The following GABRG2 variants were observed in gnomAD, a reference collection of about 807,000 sequenced individuals.
GABRG2 encodes the protein gamma-aminobutyric acid type A receptor subunit gamma2.
A neutral mutation model predicts 56.4 loss-of-function variants in GABRG2; 16 were observed. That is an observed-to-expected ratio of 0.28 (90% CI 0.19 to 0.43). The LOEUF (loss-of-function observed/expected upper bound fraction) is 0.43. GABRG2 is among the 20% of genes least tolerant of loss of function. GABRG2 has a pLI of 1.00. For missense variants in GABRG2, 327 were observed against 582.7 expected, an observed-to-expected ratio of 0.56 and a Z score of 4.52; for synonymous variants, 208 against 205.5, an observed-to-expected ratio of 1.01 and a Z score of -0.10.
At chr5:162,114,993 A>T (rs373374800) in intron 6 of GABRG2, among the ~76,000 whole-genome samples, 57 of 152,134 alleles carry the variant, frequency 3.7e-4, no homozygotes, top group Non-Finnish European at 7.1e-4. Context: ...GCACATTAGC[A>T]GTCTTGCATT....
intron 6 of GABRG2, among the ~76,000 whole-genome samples, chr5:162,124,958 ATG>A (rs55993809): frequency 0.088 from 12,710 of 143,634 alleles, 711 homozygotes; most frequent in African/African-American, 0.17. Context: ...GTATAAAGAG[ATG>A]TGTGTGTGTG....
intron 6 of GABRG2, among the ~76,000 whole-genome samples, chr5:162,139,681 G>A (rs1764410038): frequency 6.6e-6 from 1 of 152,134 alleles, no homozygotes; most frequent in Non-Finnish European, 1.5e-5. Context: ...ATACCAAAGT[G>A]CAGATCTTCA....
chr5:162,072,847 A>G (rs1035347316), intron 1 of GABRG2, among the ~76,000 whole-genome samples: 2 of 152,022 alleles, frequency 1.3e-5, no homozygotes, highest in African/African-American at 4.8e-5. Context: ...TATAATAAGT[A>G]TGAATGTGGA....
intron 5 of GABRG2, 58 bp downstream of exon 5, chr5:162,101,375 C>G: frequency 8.9e-7 from 1 of 1,128,254 alleles, no homozygotes; most frequent in Non-Finnish European, 1.4e-6. Context: ...TTCTGATTGC[C>G]ATGTTAATTA....
chr5:162,120,015 C>T (rs543802679), intron 6 of GABRG2, among the ~76,000 whole-genome samples: 1 of 152,180 alleles, frequency 6.6e-6, no homozygotes, highest in African/African-American at 2.4e-5. Context: ...GCCTCTCAGA[C>T]AGAGGCTGGT....
chr5:162,094,334 C>T, intron 2 of GABRG2: 1 of 290,978 alleles, frequency 3.4e-6, no homozygotes, highest in Non-Finnish European at 6.6e-6. Flanking sequence ...TATTGTTTGC[C>T]TGTTTTTGTG....
At chr5:162,102,964 G>C (rs1287695217) in intron 5 of GABRG2, 1 of 153,864 alleles carries the variant, frequency 6.5e-6, no homozygotes, top group African/African-American at 2.4e-5. Flanking sequence ...ATCTTTACAT[G>C]GCATTATTAT....
At chr5:162,125,270 T>G (rs954063598) in intron 6 of GABRG2, among the ~76,000 whole-genome samples, 1 of 151,784 alleles carries the variant, frequency 6.6e-6, no homozygotes, top group African/African-American at 2.4e-5. Context: ...CAAACTCTGT[T>G]TGGTGCGAGT....
chr5:162,121,214 G>A (rs1482670897), intron 6 of GABRG2, among the ~76,000 whole-genome samples: 2 of 152,144 alleles, frequency 1.3e-5, no homozygotes, highest in African/African-American at 4.8e-5. Context: ...AGTCAGTTGT[G>A]TTTCTGTCCA....
At chr5:162,138,991 G>C (rs1764347178) in intron 6 of GABRG2, among the ~76,000 whole-genome samples, 1 of 151,550 alleles carries the variant, frequency 6.6e-6, no homozygotes, top group Non-Finnish European at 1.5e-5. Context: ...ACTATCGTAT[G>C]GTTATTTACC....
Position 162,153,435 on chromosome 5 carries a change from T to C in GABRG2, c.*67T>C. 6.5e-7 allele frequency: 1 copy of C among 1,533,324 alleles called. No individual in the cohort carries two copies. The highest frequency in any genetic ancestry group is 9.0e-7 in the Non-Finnish European group (1 of 1,107,370). 95.0% of individuals were successfully genotyped at this position (1,533,324 alleles called of 1,614,324 possible). A position where few individuals can be genotyped will look rare whatever the true frequency, so the allele number is the denominator to read the frequency against. The stretch of plus-strand genomic sequence containing the variant: ...CTCATGGAGAGATGTCTGTTCTAAG[T>C]CCACTTAAATAATCCTCTATGTGGT... On this transcript the variant is annotated 3_prime_UTR_variant, in exon 10 of 10. Transcript: ENST00000639213.
At chr5:162,076,425 C>CT (rs1221596797) in intron 1 of GABRG2, among the ~76,000 whole-genome samples, 1 of 152,076 alleles carries the variant, frequency 6.6e-6, no homozygotes, top group Non-Finnish European at 1.5e-5. Flanking sequence ...CTTGCTTTGA[C>CT]TTGTATGAGA....
chr5:162,152,826 T>C (rs1001102508), intron 9 of GABRG2: 6 of 595,220 alleles, frequency 1.0e-5, no homozygotes, highest in East Asian at 2.8e-5. Flanking sequence ...ATATTTAACT[T>C]TGAGTTCTTT....
chr5:162,101,597 G>A (rs2113354612), intron 5 of GABRG2: 2 of 424,346 alleles, frequency 4.7e-6, no homozygotes, highest in Admixed American at 3.7e-5. Flanking sequence ...TTTTTTGTAA[G>A]GGATTGTAAA....
At chr5:162,085,056 G>C (rs1240126709) in intron 1 of GABRG2, among the ~76,000 whole-genome samples, 1 of 151,838 alleles carries the variant, frequency 6.6e-6, no homozygotes, top group African/African-American at 2.4e-5. Context: ...TGCAAGACAA[G>C]CTGTCCCAGT....
intron 8 of GABRG2, 114 bp from the exon 9 acceptor site, chr5:162,151,616 C>T (rs1765375514): frequency 2.3e-6 from 2 of 881,518 alleles, no homozygotes; most frequent in East Asian, 2.5e-5. Context: ...ATTTCACTTA[C>T]TGTGTTTTCA....
At chr5:162,119,919 G>A (rs888246283) in intron 6 of GABRG2, among the ~76,000 whole-genome samples, 12 of 152,086 alleles carry the variant, frequency 7.9e-5, no homozygotes, top group African/African-American at 2.9e-4. Flanking sequence ...GACGGTTTCA[G>A]GGGCTTACTT....
intron 7 of GABRG2, among the ~76,000 whole-genome samples, chr5:162,145,545 C>A (rs968045288): frequency 6.6e-6 from 1 of 152,172 alleles, no homozygotes; most frequent in African/African-American, 2.4e-5. Context: ...GATGTCATTG[C>A]AGTCTCTTTC....
At chr5:162,095,148 A>G (rs959622035) in intron 2 of GABRG2, among the ~76,000 whole-genome samples, 3 of 152,146 alleles carry the variant, frequency 2.0e-5, no homozygotes, top group African/African-American at 7.2e-5. Flanking sequence ...GCTCAAGTCA[A>G]TTTCAGAGCT....
Sources: allele counts gnomAD v4.1 joint callset (sites outside exome capture counted in the v4.1 genomes callset), GRCh38; gene constraint gnomAD v4.1.1; transcripts MANE v1.5; gene names NCBI Gene and HGNC (gene_info 2026-07-23, HGNC 2026-07-21).